The following PAK3 variants were observed in gnomAD, a reference collection of about 807,000 sequenced individuals.
PAK3 encodes p21 (RAC1) activated kinase 3, also known as serine/threonine-protein kinase PAK 3.
PAK3 carries 4 observed loss-of-function variants against 41.0 expected under a neutral mutation model. That is an observed-to-expected ratio of 0.10 (90% CI 0.05 to 0.22). The LOEUF (loss-of-function observed/expected upper bound fraction) is 0.22, where lower values mean the gene tolerates loss of function less well. Among genes scored for constraint, PAK3 ranks in the 10% least tolerant of loss-of-function variants. PAK3 has a pLI of 1.00. For synonymous variants in PAK3, 146 were observed against 139.6 expected, an observed-to-expected ratio of 1.05 and a Z score of -0.32; for missense variants, 205 against 409.9, an observed-to-expected ratio of 0.50 and a Z score of 4.32.
At chrX:111,188,681 C>T (rs1336016979) in intron 11 of PAK3, among the ~76,000 whole-genome samples, 1 of 111,600 alleles carries the variant, frequency 9.0e-6, no homozygotes, top group Non-Finnish European at 1.9e-5. Flanking sequence ...CCAATAACAA[C>T]AGCGGCAACA....
chrX:111,142,238 T>C (rs764224646), intron 6 of PAK3, 42 bp downstream of exon 6: 1 of 763,058 alleles, frequency 1.3e-6, no homozygotes, highest in Non-Finnish European at 2.1e-6. Flanking sequence ...CACGAAAGAA[T>C]TCCTTTGTGA....
intron 1 of PAK3, among the ~76,000 whole-genome samples, chrX:110,974,926 A>T: frequency 1.8e-5 from 2 of 111,574 alleles, no homozygotes; most frequent in Non-Finnish European, 3.8e-5. Flanking sequence ...CATGCTAAAA[A>T]CTCTCAATAA....
intron 1 of PAK3, among the ~76,000 whole-genome samples, chrX:111,029,125 G>A (rs955687908): frequency 1.2e-4 from 13 of 111,725 alleles, no homozygotes; most frequent in South Asian, 3.8e-4. Flanking sequence ...AACAGAGCAA[G>A]ACCCTGTCTC....
rs1343079165 is a variant in PAK3, at chrX:111,020,156, A to T, written c.-28+75528A>T. ...GCATTATTCACAATAGCTAAAAGTT[A>T]GAAGCATCCCAAGTGTGCACCAACA... On this transcript the variant is annotated intron_variant, in intron 1 of 14. Transcript: ENST00000425146. 2.7e-5 allele frequency among the ~76,000 whole-genome samples: 3 copies of T among 112,395 alleles called. No homozygotes were observed. In the East Asian group the frequency reaches 8.4e-4, roughly 32 times the overall value.
At chrX:111,109,631 C>G (rs1450163138) in intron 4 of PAK3, among the ~76,000 whole-genome samples, 1 of 111,751 alleles carries the variant, frequency 8.9e-6, no homozygotes, top group Non-Finnish European at 1.9e-5. Flanking sequence ...TTTGCCAGTA[C>G]CCAAACTTGT....
At chrX:111,094,665 G>T (rs1179646133), upstream of PAK3, among the ~76,000 whole-genome samples, 1 of 106,295 alleles carries the variant, frequency 9.4e-6, no homozygotes, top group African/African-American at 3.4e-5. Flanking sequence ...GTTTTGTCTG[G>T]CGAATCTGTA....
chrX:111,165,188 G>A lies in PAK3; in HGVS notation c.766+1461G>A, dbSNP rs775700292. On this transcript the variant is annotated intron_variant, in intron 10 of 17. Coordinates refer to ENST00000372007, the MANE Select transcript of PAK3 (RefSeq NM_002578.5). ...GTTAGATGCATTTGGAAAGGCAAAG[G>A]TCGGAGTTGCAGCTGTCAGTTAAAA... 1.8e-4 allele frequency among the ~76,000 whole-genome samples: 20 copies of A among 111,925 alleles called. 1 individual carries two copies. Among genetic ancestry groups the A allele is most frequent in the East Asian group, 2.8e-4 (1 of 3,552 alleles).
At chrX:111,147,700 T>A in intron 6 of PAK3, 37 bp from the exon 7 acceptor site, 2 of 1,019,215 alleles carry the variant, frequency 2.0e-6, no homozygotes, top group Non-Finnish European at 2.8e-6. Flanking sequence ...CTGCAGAATG[T>A]TCTGAGCTAC....
intron 11 of PAK3, among the ~76,000 whole-genome samples, chrX:111,179,050 T>C (rs1195161814): frequency 9.4e-6 from 1 of 106,372 alleles, no homozygotes; most frequent in East Asian, 2.9e-4. Context: ...AGTCTACTTA[T>C]GATGTTTGTT....
intron 1 of PAK3, among the ~76,000 whole-genome samples, chrX:111,057,431 T>C (rs7051808): frequency 0.047 from 5,220 of 111,946 alleles, 291 homozygotes; most frequent in African/African-American, 0.16. Flanking sequence ...GTTGTAAATA[T>C]CATGATTCGT....
chrX:111,206,801 C>A (rs2094753252), intron 16 of PAK3, among the ~76,000 whole-genome samples: 1 of 110,974 alleles, frequency 9.0e-6, no homozygotes, highest in African/African-American at 3.3e-5. Flanking sequence ...GTATATTTGG[C>A]CCTCATTACT....
At chrX:111,016,734 A>AGAAGGAAG (rs538530092) in intron 1 of PAK3, among the ~76,000 whole-genome samples, 45 of 82,249 alleles carry the variant, frequency 5.5e-4, no homozygotes, top group African/African-American at 1.4e-3. Context: ...AAGGAAGGAA[A>AGAAGGAAG]GAAGGAAGGA....
At position 111,220,447 on chromosome X, in the gene PAK3, A is replaced by G; in HGVS notation, c.1635A>G (p.Ter545=). The G allele has an allele frequency of 8.8e-7, 1 of 1,139,628 alleles. No homozygotes were observed. Among genetic ancestry groups the G allele is most frequent in the Non-Finnish European group, 1.2e-6 (1 of 830,937 alleles). 93.9% of individuals were successfully genotyped at this position (1,139,628 alleles called of 1,213,427 possible). A position where few individuals can be genotyped will look rare whatever the true frequency, so the allele number is the denominator to read the frequency against. ...AKEAIKNSSR[*] ...AAGCAATTAAGAACAGCAGCCGCTAAGACTGCAAGCCTTACACCTCACCAT... is the reference window on the plus strand; with the variant it reads ...AAGCAATTAAGAACAGCAGCCGCTAGGACTGCAAGCCTTACACCTCACCAT... The change falls in exon 18 of 18, where the codon TAA becomes TAG. Residue 545 remains the stop codon, a stop_retained_variant. Coordinates refer to ENST00000372007, the MANE Select transcript of PAK3 (RefSeq NM_002578.5).
intron 1 of PAK3, among the ~76,000 whole-genome samples, chrX:110,998,422 T>C (rs775869085): frequency 3.6e-5 from 4 of 112,163 alleles, no homozygotes; most frequent in Admixed American, 9.4e-5. Context: ...GAACTGAGAA[T>C]TGGCTGTTGA....
intron 5 of PAK3, among the ~76,000 whole-genome samples, chrX:111,124,801 C>T (rs958822217): frequency 9.0e-6 from 1 of 111,244 alleles, no homozygotes; most frequent in Non-Finnish European, 1.9e-5. Context: ...AACAGAAAAG[C>T]CCAGATGAAT....
chrX:111,186,921 C>T (rs932697639), intron 11 of PAK3, among the ~76,000 whole-genome samples: 23 of 111,729 alleles, frequency 2.1e-4, no homozygotes, highest in African/African-American at 7.5e-4. Context: ...TGGGAATCAG[C>T]ACAACATGGT....
intron 1 of PAK3, among the ~76,000 whole-genome samples, chrX:111,030,639 G>T (rs2092329005): frequency 9.0e-6 from 1 of 111,069 alleles, no homozygotes; most frequent in Non-Finnish European, 1.9e-5. Flanking sequence ...AGGGATGTTG[G>T]ATGGATGGAT....
chrX:111,150,222 T>C (rs1342904649), intron 7 of PAK3, among the ~76,000 whole-genome samples: 1 of 112,193 alleles, frequency 8.9e-6, no homozygotes, highest in Non-Finnish European at 1.9e-5. Context: ...TTGTCCATAT[T>C]GCTATCAGCA....
chrX:110,999,348 C>A (rs1318035931), intron 1 of PAK3, among the ~76,000 whole-genome samples: 1 of 111,801 alleles, frequency 8.9e-6, no homozygotes, highest in African/African-American at 3.3e-5. Flanking sequence ...TTGCACAATC[C>A]CCACAATTTA....
Sources: allele counts gnomAD v4.1 joint callset (sites outside exome capture counted in the v4.1 genomes callset), GRCh38; gene constraint gnomAD v4.1.1; transcripts MANE v1.5; gene names NCBI Gene and HGNC (gene_info 2026-07-23, HGNC 2026-07-21).